The following USP20 variants were observed in gnomAD, a reference collection of about 807,000 sequenced individuals.
The protein encoded by USP20 is ubiquitin carboxyl-terminal hydrolase 20.
In USP20, 80 loss-of-function variants were observed where a neutral mutation model predicts 124.2. The observed-to-expected ratio is 0.64, with a 90% CI of 0.54 to 0.78. The LOEUF (loss-of-function observed/expected upper bound fraction) is 0.78. Ranked by LOEUF, USP20 falls within the 30% of genes least tolerant of loss-of-function variation. The pLI, the probability that USP20 is intolerant of heterozygous loss-of-function variation, is 0.00. For missense variants in USP20, 1,043 were observed against 1,244.4 expected (o/e 0.84, Z 2.44); for synonymous variants, 481 against 512.3 (o/e 0.94, Z 0.83).
At chr9:129,875,151 T>G (rs74786474) in intron 19 of USP20, among the ~76,000 whole-genome samples, 159 bp from the exon 20 acceptor site, 2 of 152,186 alleles carry the variant, frequency 1.3e-5, no homozygotes, top group East Asian at 3.9e-4. Flanking sequence ...GGGCCCTGGC[T>G]GGCGGCACAG....
At chr9:129,845,199 C>T (rs1430728246) in intron 1 of USP20, among the ~76,000 whole-genome samples, 2 of 152,058 alleles carry the variant, frequency 1.3e-5, no homozygotes, top group Admixed American at 6.6e-5. Context: ...ATGCTCCCAC[C>T]CCTTCTCTGA....
chr9:129,861,876 G>A (rs1388992041), intron 8 of USP20, among the ~76,000 whole-genome samples: 5 of 152,170 alleles, frequency 3.3e-5, no homozygotes, highest in Non-Finnish European at 7.3e-5. Context: ...AGGCCCATCT[G>A]CAAGAGAGTA....
At chr9:129,842,696 C>T (rs900200590) in intron 1 of USP20, among the ~76,000 whole-genome samples, 5 of 151,454 alleles carry the variant, frequency 3.3e-5, no homozygotes, top group African/African-American at 1.2e-4. Flanking sequence ...TGGGTTCAAG[C>T]GATTCTCCTG....
In USP20 at chr9:129,879,143, G is replaced by A. The variant is rs901837372; in HGVS notation, c.2513-430G>A. ...TTGAGAATGTAGCTCCGGAGCCCTC[G>A]CCCTGGCCTGGACGCTGGCCTTGCC... is the stretch of plus-strand genomic sequence containing the variant. On this transcript the variant is annotated intron_variant, in intron 23 of 25. Coordinates refer to ENST00000372429, the MANE Select transcript of USP20 (RefSeq NM_001110303.4). The surrounding 1 kb of genome is among the most constrained non-coding windows in gnomAD (Gnocchi z 4.2). Among the ~76,000 whole-genome samples the A allele has an allele frequency of 6.6e-6, 1 of 152,240 alleles. No homozygotes were observed. Among genetic ancestry groups the A allele is most frequent in the African/African-American group, 2.4e-5 (1 of 41,460 alleles).
At chr9:129,875,006 G>A (rs769239488) in intron 19 of USP20, 51 bp downstream of exon 19, 1 of 1,596,298 alleles carries the variant, frequency 6.3e-7, no homozygotes, top group Admixed American at 1.7e-5. Context: ...CCCGTCCCCT[G>A]GGACCCATGG....
chr9:129,867,862 C>T (rs1313766250), intron 10 of USP20, 143 bp from the exon 11 acceptor site: 23 of 999,318 alleles, frequency 2.3e-5, no homozygotes, highest in African/African-American at 1.6e-5. Context: ...TGGGAGGCCG[C>T]TGTGGGGGTG....
At position 129,860,993 on chromosome 9, in the gene USP20, A is replaced by T; in HGVS notation, c.387A>T (p.Glu129Asp). 6.2e-7 allele frequency: 1 copy of T among 1,614,120 alleles called. No homozygotes were observed. Among genetic ancestry groups the T allele is most frequent in the Admixed American group, 1.7e-5 (1 of 60,024 alleles). ...LKAVPIAVAD[E>D]GESESEDDDL... is the part of the protein sequence containing the mutation. ...CTGTTCCTATTGCTGTGGCTGATGAAGGAGAGTCTGAGTCAGAGGACGATG... is the reference window on the plus strand; with the variant it reads ...CTGTTCCTATTGCTGTGGCTGATGATGGAGAGTCTGAGTCAGAGGACGATG... The change falls in exon 7 of 26, where the codon GAA becomes GAT. Residue 129 changes from glutamate (E) to aspartate (D), a missense_variant. Transcript: ENST00000372429.
At chr9:129,856,234 GAGC>G in intron 3 of USP20, 70 bp from the exon 4 acceptor site, 9 of 1,480,990 alleles carry the variant, frequency 6.1e-6, no homozygotes, top group Non-Finnish European at 7.5e-6. Context: ...CTCCAGGCAG[GAGC>G]AGTCTCAGTG....
chr9:129,852,713 C>T (rs1052876441), intron 3 of USP20, 77 bp downstream of exon 3: 6 of 1,437,324 alleles, frequency 4.2e-6, no homozygotes, highest in Non-Finnish European at 5.7e-6. Flanking sequence ...ATTTCTGAAG[C>T]AGTGGAAAAA....
rs971751008 is a variant in USP20 at position 129,867,860 on chromosome 9, C to G, written c.691-145C>G. On this transcript the variant is annotated intron_variant, in intron 10 of 25. Coordinates refer to ENST00000372429, the MANE Select transcript of USP20 (RefSeq NM_001110303.4). ...GTTAGGACAGACTGCCATGGGAGGCCGCTGTGGGGGTGAGCAACTCTTCTG... is the reference window on the plus strand; with the variant it reads ...GTTAGGACAGACTGCCATGGGAGGCGGCTGTGGGGGTGAGCAACTCTTCTG... 11 of 970,730 alleles carry G rather than the reference C, an allele frequency of 1.1e-5. No individual in the cohort carries two copies. In the East Asian group the frequency reaches 2.6e-4, roughly 23 times the overall value. The allele number at this position is 970,730 out of a possible 1,614,324, so 60.1% of individuals were successfully genotyped here. A position where few individuals can be genotyped will look rare whatever the true frequency, so the allele number is the denominator to read the frequency against.
Position 129,879,412 on chromosome 9 carries a change from A to G in USP20, c.2513-161A>G. ...TGGAAATTCCCTCTGCTGGGTCCTC[A>G]GACTGCCACAGAGGAGCATTGGGTG... On this transcript the variant is annotated intron_variant, in intron 23 of 25. Transcript: ENST00000372429. The surrounding 1 kb of genome is among the most constrained non-coding windows in gnomAD (Gnocchi z 4.2). The G allele has an allele frequency of 1.5e-6, 1 of 660,512 alleles. No homozygotes were observed. Among genetic ancestry groups the G allele is most frequent in the Non-Finnish European group, 2.7e-6 (1 of 375,278 alleles). 40.9% of individuals were successfully genotyped at this position (660,512 alleles called of 1,614,324 possible). A position where few individuals can be genotyped will look rare whatever the true frequency, so the allele number is the denominator to read the frequency against.
At chr9:129,868,756 G>A (rs2033958184) in intron 11 of USP20, 106 bp from the exon 12 acceptor site, 4 of 1,478,304 alleles carry the variant, frequency 2.7e-6, no homozygotes, top group Non-Finnish European at 2.7e-6. Flanking sequence ...GACACATTAG[G>A]GTCAGGCTTT....
At position 129,874,836 on chromosome 9, in the gene USP20, C is replaced by T; in HGVS notation, c.1929C>T (p.His643=). 6.2e-7 allele frequency: 1 copy of T among 1,614,136 alleles called. No individual in the cohort carries two copies. The highest frequency in any genetic ancestry group is 8.5e-7 in the Non-Finnish European group (1 of 1,180,040). ...ICHHGTAGSG[H]YIAYCQNVIN... is the part of the protein sequence containing the mutation. ...TCTGCTCTGCCGCCGCAGGTGGGCA[C>T]TACATCGCCTACTGCCAGAACGTGA... The change falls in exon 19 of 26, where the codon CAC becomes CAT. Residue 643 remains histidine (H), a synonymous_variant. Transcript: ENST00000372429.
chr9:129,845,985 T>C (rs62584858), intron 1 of USP20, among the ~76,000 whole-genome samples: 21,653 of 151,638 alleles, frequency 0.14, 2,013 homozygotes, highest in African/African-American at 0.25. Flanking sequence ...AGCGCAGTGG[T>C]GCGATCTCGG....
At position 129,869,351 on chromosome 9, in the gene USP20, C is replaced by T. The variant is rs763171145; in HGVS notation, c.1318C>T (p.Arg440Cys). ...SAGSRRRKEQ[R>C]YRSVISDIFD... The stretch of plus-strand genomic sequence containing the variant: ...TGGCAGCCGGAGGCGGAAGGAGCAG[C>T]GCTACCGCAGCGTCATCTCAGACAT... Residue 440 changes from arginine to cysteine, a missense_variant, in exon 13 of 26, where the codon CGC (arginine) becomes TGC (cysteine). Arg to Cys is a radical substitution (Grantham distance 180, BLOSUM62 -3). Transcript: ENST00000372429. 22 of 1,613,584 alleles carry T rather than the reference C, an allele frequency of 1.4e-5. No individual in the cohort carries two copies. Among genetic ancestry groups the T allele is most frequent in the African/African-American group, 5.3e-5 (4 of 74,946 alleles).
intron 1 of USP20, among the ~76,000 whole-genome samples, chr9:129,836,901 C>T (rs2031882914): frequency 6.6e-6 from 1 of 152,134 alleles, no homozygotes; most frequent in South Asian, 2.1e-4. Flanking sequence ...GCAGCTCTCA[C>T]GCTCTCAGAG....
intron 21 of USP20, among the ~76,000 whole-genome samples, chr9:129,875,917 C>A (rs927322127): frequency 1.3e-5 from 2 of 152,282 alleles, no homozygotes; most frequent in African/African-American, 4.8e-5. Flanking sequence ...GTGTGTTGGC[C>A]ATCTGCTCTT....
Position 129,852,888 on chromosome 9 carries a change from G to A in USP20, c.81+252G>A, listed in dbSNP as rs570382459. On this transcript the variant is annotated intron_variant, in intron 3 of 25. Transcript: ENST00000372429. ...TCTCTGTCCATTAGCTGTTGGGGCG[G>A]TGCACAGAGCCTCTCCAAGGCAGGG... 9.9e-5 allele frequency among the ~76,000 whole-genome samples: 15 copies of A among 152,264 alleles called. No individual in the cohort carries two copies. In the East Asian group the frequency reaches 1.5e-3, roughly 16 times the overall value.
intron 11 of USP20, among the ~76,000 whole-genome samples, chr9:129,868,654 T>G (rs1251841249): frequency 2.0e-5 from 3 of 152,104 alleles, no homozygotes; most frequent in Non-Finnish European, 4.4e-5. Flanking sequence ...CAGAGCCCTC[T>G]CCCAGAGCCC....
Sources: allele counts gnomAD v4.1 joint callset (sites outside exome capture counted in the v4.1 genomes callset), GRCh38; gene constraint gnomAD v4.1.1; non-coding constraint Gnocchi (gnomAD v3.1); transcripts MANE v1.5; gene names NCBI Gene and HGNC (gene_info 2026-07-23, HGNC 2026-07-21).